Variants in CAMK1D observed in about 807,000 individuals in gnomAD.
The protein encoded by CAMK1D is calcium/calmodulin dependent protein kinase ID.
In CAMK1D, 9 loss-of-function variants were observed where a neutral mutation model predicts 47.7. The ratio of observed to expected loss-of-function variants is 0.19; its 90% CI spans 0.11 to 0.33. The LOEUF (loss-of-function observed/expected upper bound fraction) is 0.33, where lower values mean the gene tolerates loss of function less well. Ranked by LOEUF, CAMK1D falls within the 10% of genes least tolerant of loss-of-function variation. The pLI is 1.00. For synonymous variants in CAMK1D, 184 were observed against 184.9 expected, an observed-to-expected ratio of 0.99 and a Z score of 0.04; for missense variants, 291 against 488.7, an observed-to-expected ratio of 0.60 and a Z score of 3.81.
chr10:12,738,558 T>C (rs540877526), intron 3 of CAMK1D, among the ~76,000 whole-genome samples: 1 of 152,236 alleles, frequency 6.6e-6, no homozygotes, highest in East Asian at 1.9e-4. Flanking sequence ...TCTGGCCAGG[T>C]GCAGTGGCTC....
At chr10:12,600,755 T>C (rs906834455) in intron 2 of CAMK1D, among the ~76,000 whole-genome samples, 1 of 152,222 alleles carries the variant, frequency 6.6e-6, no homozygotes, top group Non-Finnish European at 1.5e-5. Context: ...CATTAAGTAA[T>C]TTCTCCTCCC....
At position 12,670,595 on chromosome 10, in the gene CAMK1D, C is replaced by T. The variant is rs181215203; in HGVS notation, c.299+3785C>T. ...ACGGATTCTCACTCTTTTGCCCAGG[C>T]GGAGTGCAATGGCGTGATCTTGGCT... On this transcript the variant is annotated intron_variant, in intron 3 of 10. Transcript: ENST00000619168. Among the ~76,000 whole-genome samples the T allele has an allele frequency of 6.3e-4, 96 of 151,766 alleles. No individual in the cohort carries two copies. In the Middle Eastern group the frequency reaches 0.01, roughly 16 times the overall value.
chr10:12,697,655 T>C (rs1424233357), intron 3 of CAMK1D, among the ~76,000 whole-genome samples: 1 of 152,178 alleles, frequency 6.6e-6, no homozygotes, highest in Non-Finnish European at 1.5e-5. Context: ...CGCCTTGGCC[T>C]CCCAAAGTGC....
intron 1 of CAMK1D, among the ~76,000 whole-genome samples, chr10:12,476,507 G>A (rs1833907026): frequency 6.6e-6 from 1 of 152,042 alleles, no homozygotes; most frequent in Non-Finnish European, 1.5e-5. Flanking sequence ...AAATGAAGCT[G>A]GAAAAATGAA....
chr10:12,767,657 A>G (rs371420460), intron 4 of CAMK1D, among the ~76,000 whole-genome samples: 78 of 152,286 alleles, frequency 5.1e-4, no homozygotes, highest in African/African-American at 1.7e-3. Flanking sequence ...TAGGTATGAA[A>G]AGGCGGCACA....
intron 1 of CAMK1D, among the ~76,000 whole-genome samples, chr10:12,387,225 G>A (rs79261784): frequency 0.13 from 19,506 of 147,502 alleles, 1,443 homozygotes; most frequent in South Asian, 0.2. Context: ...AAAAGTTACC[G>A]TTACATATTT....
At chr10:12,381,714 A>G (rs1203533633) in intron 1 of CAMK1D, among the ~76,000 whole-genome samples, 2 of 152,190 alleles carry the variant, frequency 1.3e-5, no homozygotes, top group Non-Finnish European at 2.9e-5. Context: ...CGTGGCATAC[A>G]GAAGCAGTCC....
At chr10:12,764,507 C>CG (rs5783293) in intron 4 of CAMK1D, among the ~76,000 whole-genome samples, 150,812 of 152,242 alleles carry the variant, frequency 0.99, 74,708 homozygotes, top group Middle Eastern at 1. Flanking sequence ...GAGGGATGTG[C>CG]GATGCTCTGA....
At chr10:12,448,917 G>A (rs1353113970) in intron 1 of CAMK1D, among the ~76,000 whole-genome samples, 1 of 151,804 alleles carries the variant, frequency 6.6e-6, no homozygotes, top group Non-Finnish European at 1.5e-5. Context: ...ACTTCTCTGT[G>A]CCCTGGTTAC....
At chr10:12,389,553 A>G (rs1588432748) in intron 1 of CAMK1D, among the ~76,000 whole-genome samples, 1 of 152,104 alleles carries the variant, frequency 6.6e-6, no homozygotes, top group South Asian at 2.1e-4. Flanking sequence ...CGTTGGCAGA[A>G]TAAACAGACC....
intron 3 of CAMK1D, among the ~76,000 whole-genome samples, chr10:12,748,197 TA>T (rs1329348158): frequency 1.3e-5 from 2 of 152,178 alleles, no homozygotes; most frequent in Non-Finnish European, 2.9e-5. Context: ...TTCTTTTTGT[TA>T]AAAGTTGTTC....
intron 1 of CAMK1D, among the ~76,000 whole-genome samples, chr10:12,430,891 A>G (rs894019259): frequency 6.6e-6 from 1 of 152,008 alleles, no homozygotes; most frequent in Admixed American, 6.6e-5. Context: ...GCTGGATTAC[A>G]GGTGTGCACC....
intron 2 of CAMK1D, among the ~76,000 whole-genome samples, chr10:12,562,431 T>G (rs978127747): frequency 2.0e-5 from 3 of 152,208 alleles, no homozygotes; most frequent in Non-Finnish European, 4.4e-5. Flanking sequence ...TTTCTTTAGT[T>G]CCTTCTCCCA....
chr10:12,777,743 T>TC (rs998270270), intron 5 of CAMK1D, among the ~76,000 whole-genome samples: 1 of 152,138 alleles, frequency 6.6e-6, no homozygotes, highest in Non-Finnish European at 1.5e-5. Flanking sequence ...GTGAAACGGG[T>TC]CTTGGTAAGT....
At chr10:12,552,190 A>C (rs1473125514) in intron 1 of CAMK1D, among the ~76,000 whole-genome samples, 1 of 152,222 alleles carries the variant, frequency 6.6e-6, no homozygotes. Context: ...GGGCCCCTCC[A>C]GAGAAGTGGG....
chr10:12,360,316 A>G (rs994083808), intron 1 of CAMK1D, among the ~76,000 whole-genome samples: 1 of 152,024 alleles, frequency 6.6e-6, no homozygotes, highest in Non-Finnish European at 1.5e-5. Flanking sequence ...TCCCCACACA[A>G]CCCTGTCCCT....
chr10:12,624,478 G>A (rs907296993), intron 2 of CAMK1D, among the ~76,000 whole-genome samples: 1 of 152,140 alleles, frequency 6.6e-6, no homozygotes, highest in African/African-American at 2.4e-5. Context: ...TAGATACCCT[G>A]CGTAAGTGGA....
At chr10:12,406,668 A>T (rs773579990) in intron 1 of CAMK1D, among the ~76,000 whole-genome samples, 70 of 140,230 alleles carry the variant, frequency 5.0e-4, no homozygotes, top group Non-Finnish European at 8.9e-4. Flanking sequence ...GGTTGCAGTG[A>T]GCCAAGATCA....
chr10:12,613,881 C>A (rs1838705708), intron 2 of CAMK1D, among the ~76,000 whole-genome samples: 1 of 152,150 alleles, frequency 6.6e-6, no homozygotes, highest in Non-Finnish European at 1.5e-5. Flanking sequence ...CCCGATTGTA[C>A]AGGGAAGAAA....
Sources: gnomAD v4.1 joint callset for allele counts (sites outside exome capture counted in the v4.1 genomes callset) on GRCh38, gnomAD v4.1.1 for gene constraint, MANE v1.5 for transcripts, NCBI Gene and HGNC (gene_info 2026-07-23, HGNC 2026-07-21) for gene names.